The following DCPS variants were observed in gnomAD, a reference collection of about 807,000 sequenced individuals.
The protein encoded by DCPS is m7GpppX diphosphatase.
Under a neutral mutation model 34.7 loss-of-function variants are expected in DCPS, and 27 were observed. The ratio of observed to expected loss-of-function variants is 0.78; its 90% confidence interval spans 0.57 to 1.07. The LOEUF (loss-of-function observed/expected upper bound fraction) is 1.07, where lower values mean the gene tolerates loss of function less well. Ranked by LOEUF, DCPS falls within the 50% of genes least tolerant of loss-of-function variation. The pLI is 0.00. For missense variants in DCPS, 464 were observed against 436.9 expected (o/e 1.06, Z -0.55); for synonymous variants, 185 against 185.7 (o/e 1.00, Z 0.03).
intron 1 of DCPS, 46 bp downstream of exon 1, chr11:126,304,327 A>G: frequency 1.9e-6 from 3 of 1,598,066 alleles, no homozygotes; most frequent in Non-Finnish European, 2.6e-6. Flanking sequence ...GCAGTGAACC[A>G]ATCATCGCCT....
In DCPS at chr11:126,338,341, A is replaced by G. The variant is rs143993571; in HGVS notation, c.578A>G (p.Asn193Ser). Reference protein sequence around the residue: ...KAEADRIVFENPDPSDGFVLI... With the variant: ...KAEADRIVFESPDPSDGFVLI... ...GAAGCGGACCGGATTGTTTTCGAGA[A>G]CCCAGATCCCTCTGATGGTTTTGTC... The change falls in exon 4 of 6, where the codon AAC (asparagine) becomes AGC (serine). Residue 193 changes from asparagine to serine, a missense_variant. By Grantham distance (46) the Asn-to-Ser change is conservative (BLOSUM62 1). Coordinates refer to ENST00000263579, the MANE Select transcript of DCPS (RefSeq NM_014026.6). This position sits in a 1 kb window ranked among gnomAD's most constrained non-coding sequence, Gnocchi z 5.4. 2.6e-5 allele frequency: 42 copies of G among 1,614,076 alleles called. No individual in the cohort carries two copies. In the African/African-American group the frequency reaches 5.3e-4, roughly 21 times the overall value.
chr11:126,345,247 C>A lies in DCPS; in HGVS notation c.748-100C>A. The A allele has an allele frequency of 6.5e-7, 1 of 1,532,834 alleles. No homozygotes were observed. The highest frequency in any genetic ancestry group is 8.8e-7 in the Non-Finnish European group (1 of 1,133,862). 95.0% of individuals were successfully genotyped at this position (1,532,834 alleles called of 1,614,324 possible). On this transcript the variant is annotated intron_variant, in intron 5 of 5. Transcript: ENST00000263579. This position sits in a 1 kb window ranked among gnomAD's most constrained non-coding sequence, Gnocchi z 7.4. Reference sequence around the variant, plus strand: ...GAGGGTTTTTGTGAGCTGTCCCAGGCCAATCCAGGATTCAGATGGGAGGAG... The same window carrying A: ...GAGGGTTTTTGTGAGCTGTCCCAGGACAATCCAGGATTCAGATGGGAGGAG...
At chr11:126,318,658 A>G (rs770919022) in intron 2 of DCPS, among the ~76,000 whole-genome samples, 23 of 152,182 alleles carry the variant, frequency 1.5e-4, no homozygotes, top group Non-Finnish European at 2.9e-4. Context: ...GACTCAGATC[A>G]TGCATTGCTG....
rs1951722451 is a variant in DCPS at position 126,323,695 on chromosome 11, C to T, written c.377-7710C>T. Among the ~76,000 whole-genome samples, 1 of 151,990 alleles carries T rather than the reference C, an allele frequency of 6.6e-6. No homozygotes were observed. Among genetic ancestry groups the T allele is most frequent in the South Asian group, 2.1e-4 (1 of 4,814 alleles). ...CTGGGACTACAGGCATGTGCTATCA[C>T]ACCCAGCTAATTTTTGTATTTTTTG... On this transcript the variant is annotated intron_variant, in intron 2 of 5. Coordinates refer to ENST00000263579, the MANE Select transcript of DCPS (RefSeq NM_014026.6). The surrounding 1 kb of genome is among the most constrained non-coding windows in gnomAD (Gnocchi z 4.4).
rs1032174615 is a variant in DCPS at position 126,337,177 on chromosome 11, C to T, written c.523-1109C>T. On this transcript the variant is annotated intron_variant, in intron 3 of 5. Coordinates refer to ENST00000263579, the MANE Select transcript of DCPS (RefSeq NM_014026.6). This position sits in a 1 kb window ranked among gnomAD's most constrained non-coding sequence, Gnocchi z 5.3. ...TGTCGGTTCCCTGGCCTCCCCATCC[C>T]ACCTCGTGTCCATGGCTCCTTCTCC... 13 of 152,244 alleles carry T rather than the reference C, an allele frequency of 8.5e-5. No individual in the cohort carries two copies. Among genetic ancestry groups the T allele is most frequent in the Admixed American group, 7.2e-4 (11 of 15,278 alleles). 9.4% of individuals were successfully genotyped at this position (152,244 alleles called of 1,614,324 possible).
rs1307482354 is a variant in DCPS, at chr11:126,328,426, T to G, written c.377-2979T>G. Among the ~76,000 whole-genome samples the G allele has an allele frequency of 6.6e-6, 1 of 151,788 alleles. No homozygotes were observed. The highest frequency in any genetic ancestry group is 1.5e-5 in the Non-Finnish European group (1 of 67,936). Reference sequence around the variant, plus strand: ...GCAGTCAGGTTCCCATCCCTGCAGGTGCACCTCAGGAAAGGCAGGAGGATG... The same window carrying G: ...GCAGTCAGGTTCCCATCCCTGCAGGGGCACCTCAGGAAAGGCAGGAGGATG... On this transcript the variant is annotated intron_variant, in intron 2 of 5. Coordinates refer to ENST00000263579, the MANE Select transcript of DCPS (RefSeq NM_014026.6). The surrounding 1 kb of genome is among the most constrained non-coding windows in gnomAD (Gnocchi z 6.6).
At position 126,345,546 on chromosome 11, in the gene DCPS, C is replaced by G. The variant is rs137941190; in HGVS notation, c.947C>G (p.Thr316Arg). Reference sequence around the variant, plus strand: ...GACCCTAGGCACTACCAGCAGCGCACGCTCACCTTCGCCCTCAGGGCTGAC... The same window carrying G: ...GACCCTAGGCACTACCAGCAGCGCAGGCTCACCTTCGCCCTCAGGGCTGAC... ...ECDPRHYQQR[T>R]LTFALRADDP... is the part of the protein sequence containing the mutation. The change falls in exon 6 of 6, where the codon ACG (threonine) becomes AGG (arginine). Residue 316 changes from threonine to arginine, a missense_variant. Coordinates refer to ENST00000263579, the MANE Select transcript of DCPS (RefSeq NM_014026.6). This position sits in a 1 kb window ranked among gnomAD's most constrained non-coding sequence, Gnocchi z 7.4. The G allele has an allele frequency of 8.1e-6, 13 of 1,613,858 alleles. No individual in the cohort carries two copies. Among genetic ancestry groups the G allele is most frequent in the Admixed American group, 3.3e-5 (2 of 60,004 alleles).
At chr11:126,343,273 T>A (rs1951890813) in intron 4 of DCPS, 34 bp from the exon 5 acceptor site, 2 of 1,582,612 alleles carry the variant, frequency 1.3e-6, no homozygotes, top group Non-Finnish European at 1.7e-6. Flanking sequence ...GTCTGTTCCC[T>A]GCTGAGCCTG....
intron 4 of DCPS, chr11:126,340,873 G>C (rs978449703): frequency 6.6e-6 from 1 of 152,162 alleles, no homozygotes; most frequent in Non-Finnish European, 1.5e-5. Flanking sequence ...TCTCTTAAAG[G>C]ATCACCTGTG....
In DCPS at chr11:126,313,508, G is replaced by C. The variant is rs1951634341; in HGVS notation, c.376+6764G>C. 6.6e-6 allele frequency among the ~76,000 whole-genome samples: 1 copy of C among 152,184 alleles called. No homozygotes were observed. The highest frequency in any genetic ancestry group is 2.1e-4 in the South Asian group (1 of 4,832). On this transcript the variant is annotated intron_variant, in intron 2 of 5. Transcript: ENST00000263579. The surrounding 1 kb of genome is among the most constrained non-coding windows in gnomAD (Gnocchi z 4.9). ...AGTGCCTAGCTACAGCAGTGAAAAT[G>C]AACTACAGCTGCCTGTATCAATGAA... is the stretch of plus-strand genomic sequence containing the variant.
At chr11:126,321,353 A>G (rs1951705430) in intron 2 of DCPS, among the ~76,000 whole-genome samples, 1 of 151,862 alleles carries the variant, frequency 6.6e-6, no homozygotes, top group East Asian at 1.9e-4. Flanking sequence ...AGGTGTGGAG[A>G]GATGAGTGGA....
chr11:126,304,342 G>C (rs542418767), intron 1 of DCPS, 61 bp downstream of exon 1: 136 of 1,594,562 alleles, frequency 8.5e-5, no homozygotes, highest in Non-Finnish European at 9.0e-5. Context: ...TCGCCTCGGA[G>C]GCAGATTTTT....
chr11:126,304,349 T>G (rs1951546044), intron 1 of DCPS, 68 bp downstream of exon 1: 4 of 1,569,760 alleles, frequency 2.5e-6, no homozygotes, highest in Non-Finnish European at 2.6e-6. Flanking sequence ...GGAGGCAGAT[T>G]TTTTTTTTTC....
intron 2 of DCPS, among the ~76,000 whole-genome samples, chr11:126,318,563 GC>G (rs1281182687): frequency 6.6e-6 from 1 of 152,192 alleles, no homozygotes; most frequent in Non-Finnish European, 1.5e-5. Context: ...GCTTTCTCTG[GC>G]ATGCCTTGCG....
At chr11:126,314,110 G>A (rs1023537659) in intron 2 of DCPS, among the ~76,000 whole-genome samples, 1 of 152,172 alleles carries the variant, frequency 6.6e-6, no homozygotes, top group East Asian at 1.9e-4. Flanking sequence ...TGGGCCAGCC[G>A]CTTTTCTCCC....
rs1161810728 is a variant in DCPS at position 126,328,664 on chromosome 11, G to T, written c.377-2741G>T. Among the ~76,000 whole-genome samples the T allele has an allele frequency of 6.6e-6, 1 of 152,138 alleles. No individual in the cohort carries two copies. ...GAGCCCCAGGCTGGGAGCCCGGCTG[G>T]GTGACCCTGCCCGCAGAACCCGGCT... is the stretch of plus-strand genomic sequence containing the variant. On this transcript the variant is annotated intron_variant, in intron 2 of 5. Coordinates refer to ENST00000263579, the MANE Select transcript of DCPS (RefSeq NM_014026.6). The surrounding 1 kb of genome is among the most constrained non-coding windows in gnomAD (Gnocchi z 6.6).
chr11:126,322,288 G>A lies in DCPS; in HGVS notation c.377-9117G>A, dbSNP rs1458008790. On this transcript the variant is annotated intron_variant, in intron 2 of 5. Coordinates refer to ENST00000263579, the MANE Select transcript of DCPS (RefSeq NM_014026.6). The surrounding 1 kb of genome is among the most constrained non-coding windows in gnomAD (Gnocchi z 4.2). ...TATTTATTTTTATTTTTTTGAGACA[G>A]AGTCTCACTTTGTCGCCCAGGCTGG... Among the ~76,000 whole-genome samples the A allele has an allele frequency of 6.6e-6, 1 of 152,044 alleles. No homozygotes were observed. Among genetic ancestry groups the A allele is most frequent in the Non-Finnish European group, 1.5e-5 (1 of 68,012 alleles).
rs1210479618 is a variant in DCPS, at chr11:126,328,147, C to A, written c.377-3258C>A. ...CGCGAGTTAGTGGGTCAGTGGGGAG[C>A]CGGCGCGGCTGGAGCAGAGGCCCTA... On this transcript the variant is annotated intron_variant, in intron 2 of 5. Transcript: ENST00000263579. This position sits in a 1 kb window ranked among gnomAD's most constrained non-coding sequence, Gnocchi z 6.6. Among the ~76,000 whole-genome samples, 1 of 152,190 alleles carries A rather than the reference C, an allele frequency of 6.6e-6. No homozygotes were observed. The highest frequency in any genetic ancestry group is 1.5e-5 in the Non-Finnish European group (1 of 68,030).
In DCPS at chr11:126,345,917, G is replaced by C. The variant is rs1951922932; in HGVS notation, c.*304G>C. Among the ~76,000 whole-genome samples, 2 of 151,968 alleles carry C rather than the reference G, an allele frequency of 1.3e-5. No homozygotes were observed. Among genetic ancestry groups the C allele is most frequent in the African/African-American group, 4.8e-5 (2 of 41,376 alleles). Reference sequence around the variant, plus strand: ...GCCGAGGGCCTTCTCCAAGCCCCAGGGCTCACCGTCCGTGGTGGCTTCCTT... The same window carrying C: ...GCCGAGGGCCTTCTCCAAGCCCCAGCGCTCACCGTCCGTGGTGGCTTCCTT... On this transcript the variant is annotated 3_prime_UTR_variant, in exon 6 of 6. Coordinates refer to ENST00000263579, the MANE Select transcript of DCPS (RefSeq NM_014026.6). This position sits in a 1 kb window ranked among gnomAD's most constrained non-coding sequence, Gnocchi z 7.4.
Sources: allele counts gnomAD v4.1 joint callset (sites outside exome capture counted in the v4.1 genomes callset), GRCh38; gene constraint gnomAD v4.1.1; non-coding constraint Gnocchi (gnomAD v3.1); transcripts MANE v1.5; gene names NCBI Gene and HGNC (gene_info 2026-07-23, HGNC 2026-07-21).